SH3PXD2B: variants seen among roughly 807,000 people sequenced by gnomAD.
SH3PXD2B encodes the protein SH3 and PX domains 2B.
SH3PXD2B carries 37 observed loss-of-function variants against 73.1 expected under a neutral mutation model. The observed-to-expected ratio is 0.51, with a 90% CI of 0.39 to 0.67. SH3PXD2B has a LOEUF of 0.67. SH3PXD2B is among the 30% of genes least tolerant of loss of function. SH3PXD2B has a pLI of 0.00. For missense variants in SH3PXD2B, 1,053 were observed against 1,197.8 expected, an observed-to-expected ratio of 0.88 and a Z score of 1.78; for synonymous variants, 457 against 480.5, an observed-to-expected ratio of 0.95 and a Z score of 0.64.
At chr5:172,414,573 C>T (rs554483842) in intron 2 of SH3PXD2B, among the ~76,000 whole-genome samples, 88 of 151,600 alleles carry the variant, frequency 5.8e-4, no homozygotes, top group African/African-American at 2.1e-3. Flanking sequence ...GAGACAAAGG[C>T]ATAGATGGAG....
rs149830191 is a variant in SH3PXD2B, at chr5:172,362,864, C to T, written c.433G>A (p.Asp145Asn). 1.2e-6 allele frequency: 2 copies of T among 1,614,000 alleles called. No homozygotes were observed. Among genetic ancestry groups the T allele is most frequent in the African/African-American group, 2.7e-5 (2 of 74,910 alleles). The change falls in exon 7 of 13, where the codon GAC (aspartate) becomes AAC (asparagine). Residue 145 changes from aspartate to asparagine, a missense_variant. By Grantham distance (23) the Asp-to-Asn change is conservative. Around this residue, in one of 2 missense-constraint regions of SH3PXD2B, gnomAD observed 466 missense variants for 607.1 expected, o/e 0.77. Coordinates refer to ENST00000311601, the MANE Select transcript of SH3PXD2B (RefSeq NM_001017995.3). The part of the protein sequence containing the change: ...EHIGKKKSGG[D>N]QTSVDPMVLE... Reference sequence around the variant, plus strand: ...ACCATGGGGTCCACTGAGGTTTGGTCACCCCCTGTGGATAGGAAACAGACA... The same window carrying T: ...ACCATGGGGTCCACTGAGGTTTGGTTACCCCCTGTGGATAGGAAACAGACA...
At chr5:172,454,208 A>G in intron 1 of SH3PXD2B, 70 bp downstream of exon 1, 1 of 1,386,804 alleles carries the variant, frequency 7.2e-7, no homozygotes, top group Non-Finnish European at 9.9e-7. Context: ...AAGTTTTCCA[A>G]GCCGGGGGCC....
At chr5:172,410,145 T>C (rs1338955123) in intron 2 of SH3PXD2B, among the ~76,000 whole-genome samples, 1 of 152,250 alleles carries the variant, frequency 6.6e-6, no homozygotes, top group Non-Finnish European at 1.5e-5. Context: ...TTTCCTTTCC[T>C]TTGGATAAAT....
At chr5:172,420,165 T>C (rs1758926999) in intron 2 of SH3PXD2B, among the ~76,000 whole-genome samples, 2 of 152,258 alleles carry the variant, frequency 1.3e-5, no homozygotes, top group South Asian at 2.1e-4. Context: ...AAGTTCACTT[T>C]AGATGGTATC....
intron 2 of SH3PXD2B, among the ~76,000 whole-genome samples, chr5:172,420,226 C>T (rs1454140532): frequency 6.6e-6 from 1 of 152,158 alleles, no homozygotes; most frequent in Non-Finnish European, 1.5e-5. Context: ...CTGTTTGCTG[C>T]AGAGCAGAAG....
At chr5:172,358,702 A>G in intron 8 of SH3PXD2B, 71 bp downstream of exon 8, 1 of 1,421,564 alleles carries the variant, frequency 7.0e-7, no homozygotes. Flanking sequence ...GATTGGATGA[A>G]AAGGCAACCC....
chr5:172,380,799 C>T lies in SH3PXD2B; in HGVS notation c.401+1237G>A, dbSNP rs528520910. Among the ~76,000 whole-genome samples the T allele has an allele frequency of 9.8e-5, 15 of 152,328 alleles. No homozygotes were observed. The South Asian group carries it at 2.5e-3, about 25-fold the overall frequency. ...CACTCCAAAACCACGCACTTCTGTG[C>T]GCTCACTATGAGAAGCTGTGTTTAC... On this transcript the variant is annotated intron_variant, in intron 5 of 12. Transcript: ENST00000311601.
chr5:172,392,757 C>A (rs1164865115), intron 4 of SH3PXD2B, among the ~76,000 whole-genome samples: 1 of 152,208 alleles, frequency 6.6e-6, no homozygotes, highest in Non-Finnish European at 1.5e-5. Flanking sequence ...GGCACTCCAG[C>A]CTGGGCAACA....
intron 4 of SH3PXD2B, among the ~76,000 whole-genome samples, chr5:172,393,641 T>C (rs904517948): frequency 6.6e-6 from 1 of 152,184 alleles, no homozygotes; most frequent in Non-Finnish European, 1.5e-5. Context: ...AGGGGGAGAT[T>C]GTTCACTGCT....
chr5:172,350,015 T>C (rs1757123790), intron 10 of SH3PXD2B, among the ~76,000 whole-genome samples: 1 of 152,086 alleles, frequency 6.6e-6, no homozygotes, highest in Non-Finnish European at 1.5e-5. Context: ...CCACCACGCC[T>C]GGCTAATTTT....
intron 1 of SH3PXD2B, among the ~76,000 whole-genome samples, chr5:172,431,715 A>G (rs1261198235): frequency 6.6e-6 from 1 of 152,160 alleles, no homozygotes; most frequent in East Asian, 1.9e-4. Flanking sequence ...GCTGATGCTC[A>G]TTGTTTGCGG....
Position 172,335,396 on chromosome 5 carries a change from G to A in SH3PXD2B, c.*2973C>T, listed in dbSNP as rs976002558. On this transcript the variant is annotated 3_prime_UTR_variant, in exon 13 of 13. Transcript: ENST00000311601. ...TCCGCACACTTCCCTGCTAATGGCA[G>A]AGAAAAGTCATGGACACGAGGGAAA... The A allele has an allele frequency of 4.9e-6, 6 of 1,225,080 alleles. No homozygotes were observed. The African/African-American group carries it at 9.4e-5, about 19-fold the overall frequency. 75.9% of individuals were successfully genotyped at this position (1,225,080 alleles called of 1,614,324 possible). A position where few individuals can be genotyped will look rare whatever the true frequency, so the allele number is the denominator to read the frequency against.
chr5:172,335,786 G>A lies in SH3PXD2B; in HGVS notation c.*2583C>T, dbSNP rs191494552. On this transcript the variant is annotated 3_prime_UTR_variant, in exon 13 of 13. Transcript: ENST00000311601. ...GACTGGCCACCCTGACCCACCCACT[G>A]CCTGGGGAAGTGTCTACCATTGTAG... 597 of 1,230,250 alleles carry A rather than the reference G, an allele frequency of 4.9e-4. 3 individuals carry two copies. The African/African-American group carries it at 8.5e-3, about 18-fold the overall frequency. 76.2% of individuals were successfully genotyped at this position (1,230,250 alleles called of 1,614,324 possible). A position where few individuals can be genotyped will look rare whatever the true frequency, so the allele number is the denominator to read the frequency against.
intron 1 of SH3PXD2B, among the ~76,000 whole-genome samples, chr5:172,439,796 C>T (rs1759510439): frequency 6.6e-6 from 1 of 151,250 alleles, no homozygotes; most frequent in African/African-American, 2.4e-5. Flanking sequence ...GCAGCAGGAA[C>T]TATTTCCAGG....
chr5:172,396,797 A>G lies in SH3PXD2B; in HGVS notation c.233-2158T>C, dbSNP rs565137479. Among the ~76,000 whole-genome samples the G allele has an allele frequency of 9.8e-4, 149 of 152,086 alleles. 2 individuals are homozygous for G. Among genetic ancestry groups the G allele is most frequent in the African/African-American group, 3.5e-3 (144 of 41,508 alleles). ...CCCCGTCTCTACTAAAAATACAAAA[A>G]TTAGCTGGTGGCACATGCCTGTAAT... is the stretch of plus-strand genomic sequence containing the variant. On this transcript the variant is annotated intron_variant, in intron 3 of 12. Coordinates refer to ENST00000311601, the MANE Select transcript of SH3PXD2B (RefSeq NM_001017995.3).
intron 4 of SH3PXD2B, among the ~76,000 whole-genome samples, chr5:172,389,752 C>A (rs1259336832): frequency 2.0e-5 from 3 of 152,022 alleles, no homozygotes; most frequent in Non-Finnish European, 2.9e-5. Context: ...GCCTACTCCT[C>A]AAAGTGGTTG....
chr5:172,347,793 C>G (rs1757028718), intron 10 of SH3PXD2B, among the ~76,000 whole-genome samples: 1 of 152,146 alleles, frequency 6.6e-6, no homozygotes, highest in East Asian at 1.9e-4. Flanking sequence ...CTGTGAAGCT[C>G]TTGGCATGTG....
Position 172,362,855 on chromosome 5 carries a change from A to G in SH3PXD2B, c.442T>C (p.Ser148Pro). Residue 148 changes from serine to proline, a missense_variant, in exon 7 of 13, where the codon TCA becomes CCA. By Grantham distance (74) the Ser-to-Pro change is moderately conservative (BLOSUM62 -1). Around this residue, in one of 2 missense-constraint regions of SH3PXD2B, gnomAD observed 466 missense variants for 607.1 expected, o/e 0.77. Transcript: ENST00000311601. ...GKKKSGGDQT[S>P]VDPMVLEQYV... ...TGCTCCAGGACCATGGGGTCCACTG[A>G]GGTTTGGTCACCCCCTGTGGATAGG... 1.2e-6 allele frequency: 2 copies of G among 1,614,134 alleles called. No homozygotes were observed. The highest frequency in any genetic ancestry group is 1.7e-6 in the Non-Finnish European group (2 of 1,180,020).
chr5:172,400,216 C>T lies in SH3PXD2B; in HGVS notation c.233-5577G>A, dbSNP rs564240960. ...CTTTCAATATAAACCTGAGGAAAAC[C>T]ATGCCCTAAAAATTTTGAGGGCCCA... On this transcript the variant is annotated intron_variant, in intron 3 of 12. Transcript: ENST00000311601. Among the ~76,000 whole-genome samples, 542 of 152,218 alleles carry T rather than the reference C, an allele frequency of 3.6e-3. 5 individuals carry two copies. The highest frequency in any genetic ancestry group is 3.7e-3 in the Non-Finnish European group (253 of 68,028).
Sources: allele counts gnomAD v4.1 joint callset (sites outside exome capture counted in the v4.1 genomes callset), GRCh38; gene constraint gnomAD v4.1.1; regional missense constraint gnomAD v4.1.1; transcripts MANE v1.5; gene names NCBI Gene and HGNC (gene_info 2026-07-23, HGNC 2026-07-21).